AASDHPPT: variants seen among roughly 807,000 people sequenced by gnomAD.
AASDHPPT encodes L-aminoadipate-semialdehyde dehydrogenase-phosphopantetheinyl transferase.
A neutral mutation model predicts 36.4 loss-of-function variants in AASDHPPT; 23 were observed. The observed-to-expected ratio is 0.63, with a 90% CI of 0.45 to 0.89. The LOEUF (loss-of-function observed/expected upper bound fraction) is 0.89, where lower values mean the gene tolerates loss of function less well. Ranked by LOEUF, AASDHPPT falls within the 40% of genes least tolerant of loss-of-function variation. The probability of loss-of-function intolerance (pLI) is 0.00; values close to 1 mark genes in which losing one functional copy is unlikely to be tolerated. For missense variants in AASDHPPT, 377 were observed against 378.2 expected, an observed-to-expected ratio of 1.00 and a Z score of 0.03; for synonymous variants, 115 against 128.0, an observed-to-expected ratio of 0.90 and a Z score of 0.68.
chr11:106,092,607 C>T (rs1383064548), intron 4 of AASDHPPT: 1 of 151,920 alleles, frequency 6.6e-6, no homozygotes, highest in African/African-American at 2.4e-5. Flanking sequence ...AAATTGAAAC[C>T]ACAAGAAGTT....
At chr11:106,088,497 G>T (rs1252305897) in intron 2 of AASDHPPT, among the ~76,000 whole-genome samples, 1 of 152,066 alleles carries the variant, frequency 6.6e-6, no homozygotes, top group Non-Finnish European at 1.5e-5. Flanking sequence ...TACATATGCT[G>T]TTTGTGCCAA....
chr11:106,089,812 T>C (rs1209059483), intron 2 of AASDHPPT, among the ~76,000 whole-genome samples: 1 of 152,034 alleles, frequency 6.6e-6, no homozygotes, highest in African/African-American at 2.4e-5. Context: ...GTTGTATCTT[T>C]TGTCATTTAT....
intron 5 of AASDHPPT, 55 bp downstream of exon 5, chr11:106,094,709 G>C: frequency 1.5e-6 from 2 of 1,373,170 alleles, no homozygotes; most frequent in Non-Finnish European, 2.0e-6. Flanking sequence ...TGTTAAGTTT[G>C]CTCTTTATTG....
intron 4 of AASDHPPT, chr11:106,092,534 A>G (rs930240149): frequency 6.6e-6 from 1 of 152,078 alleles, no homozygotes; most frequent in Non-Finnish European, 1.5e-5. Flanking sequence ...CATGGATTTG[A>G]AGTTGAAACT....
intron 2 of AASDHPPT, among the ~76,000 whole-genome samples, chr11:106,081,494 T>G (rs942488085): frequency 6.6e-6 from 1 of 152,226 alleles, no homozygotes; most frequent in Non-Finnish European, 1.5e-5. Context: ...AAAAAATTGC[T>G]GCTATAGAGG....
chr11:106,085,926 CA>C (rs1218262530), intron 2 of AASDHPPT: 3 of 152,180 alleles, frequency 2.0e-5, no homozygotes, highest in African/African-American at 7.2e-5. Context: ...TTTTGATGCT[CA>C]AAAAGCTTTG....
chr11:106,093,837 T>C (rs2135045188), intron 4 of AASDHPPT: 1 of 152,288 alleles, frequency 6.6e-6, no homozygotes, highest in South Asian at 2.1e-4. Context: ...ATTGGTTATG[T>C]TTTACCTATA....
intron 2 of AASDHPPT, among the ~76,000 whole-genome samples, chr11:106,083,463 A>C (rs1360358396): frequency 6.6e-6 from 1 of 152,228 alleles, no homozygotes; most frequent in Non-Finnish European, 1.5e-5. Flanking sequence ...AGATACCAAA[A>C]TATGAAAAAT....
Position 106,077,784 on chromosome 11 carries a change from C to G in AASDHPPT, c.74C>G (p.Thr25Ser), listed in dbSNP as rs1036727592. The change falls in exon 1 of 6, where the codon ACT becomes AGT. Residue 25 changes from threonine (T) to serine (S), a missense_variant. Physicochemically the swap from Thr to Ser is moderately conservative, Grantham distance 58. Coordinates refer to ENST00000278618, the MANE Select transcript of AASDHPPT (RefSeq NM_015423.3). ...GTGCGCTGGGCCTTTTCCTGCGGCA[C>G]TTGGCTGCCGAGCCGAGCCGAATGG... ...EGVRWAFSCGTWLPSRAEWLL... is the reference protein window; with the variant it reads ...EGVRWAFSCGSWLPSRAEWLL... The G allele has an allele frequency of 3.2e-5, 52 of 1,614,032 alleles. No individual in the cohort carries two copies. Among genetic ancestry groups the G allele is most frequent in the South Asian group, 1.4e-4 (13 of 91,092 alleles).
intron 2 of AASDHPPT, among the ~76,000 whole-genome samples, chr11:106,080,332 C>T (rs993724080): frequency 1.9e-4 from 29 of 152,248 alleles, no homozygotes; most frequent in African/African-American, 5.5e-4. Flanking sequence ...TGGATACCAA[C>T]GGGCGACTCT....
intron 5 of AASDHPPT, among the ~76,000 whole-genome samples, chr11:106,095,133 G>A (rs1179999927): frequency 6.6e-6 from 1 of 152,002 alleles, no homozygotes; most frequent in African/African-American, 2.4e-5. Flanking sequence ...TCAAAAAAAA[G>A]AAATGTTACC....
At chr11:106,090,802 G>A in intron 3 of AASDHPPT, 124 bp downstream of exon 3, 1 of 1,323,684 alleles carries the variant, frequency 7.6e-7, no homozygotes. Flanking sequence ...GTGATTGCTT[G>A]AGAATTTTAT....
chr11:106,085,932 G>C (rs1861192730), intron 2 of AASDHPPT: 2 of 152,216 alleles, frequency 1.3e-5, no homozygotes, highest in South Asian at 4.1e-4. Flanking sequence ...TGCTCAAAAA[G>C]CTTTGAGTTT....
In AASDHPPT at chr11:106,097,537, T is replaced by C. The variant is rs1380849200; in HGVS notation, c.*630T>C. On this transcript the variant is annotated 3_prime_UTR_variant, in exon 6 of 6. Coordinates refer to ENST00000278618, the MANE Select transcript of AASDHPPT (RefSeq NM_015423.3). ...AGGGGTGTCATTAAAGACACACTTT[T>C]TTTGCCTTGACCTCAGTTGGTTTGT... 6.6e-6 allele frequency: 1 copy of C among 152,170 alleles called. No individual in the cohort carries two copies. Among genetic ancestry groups the C allele is most frequent in the Non-Finnish European group, 1.5e-5 (1 of 68,004 alleles). The allele number at this position is 152,170 out of a possible 1,614,324, so 9.4% of individuals were successfully genotyped here. A position where few individuals can be genotyped will look rare whatever the true frequency, so the allele number is the denominator to read the frequency against.
intron 2 of AASDHPPT, 44 bp downstream of exon 2, chr11:106,079,736 C>G (rs1011743021): frequency 2.6e-6 from 4 of 1,511,296 alleles, no homozygotes; most frequent in Non-Finnish European, 1.8e-6. Flanking sequence ...TGTCTCGATG[C>G]CTCAGTTCTA....
chr11:106,077,798 C>T lies in AASDHPPT; in HGVS notation c.88C>T (p.Arg30Ter). The change falls in exon 1 of 6, where the codon CGA becomes TGA. Residue 30 changes from arginine to a stop codon, truncating the protein, a stop_gained. Coordinates refer to ENST00000278618, the MANE Select transcript of AASDHPPT (RefSeq NM_015423.3). LOFTEE classifies it high-confidence loss of function. ...TTCCTGCGGCACTTGGCTGCCGAGC[C>T]GAGCCGAATGGCTGCTGGCAGTGCG... is the stretch of plus-strand genomic sequence containing the variant. ...AFSCGTWLPSRAEWLLAVRSI... is the reference protein window; with the variant it reads ...AFSCGTWLPS 6.2e-7 allele frequency: 1 copy of T among 1,614,162 alleles called. No individual in the cohort carries two copies. The highest frequency in any genetic ancestry group is 8.5e-7 in the Non-Finnish European group (1 of 1,180,018).
rs1022994275 is a variant in AASDHPPT at position 106,097,608 on chromosome 11, T to C, written c.*701T>C. On this transcript the variant is annotated 3_prime_UTR_variant, in exon 6 of 6. Transcript: ENST00000278618. ...CTCTCGATCACAAGAGCTGCTGCTA[T>C]AACTTCCAGTTTTACATCTTTGTAA... 6.6e-6 allele frequency: 1 copy of C among 152,180 alleles called. No individual in the cohort carries two copies. The highest frequency in any genetic ancestry group is 1.5e-5 in the Non-Finnish European group (1 of 68,014). The allele number at this position is 152,180 out of a possible 1,614,324, so 9.4% of individuals were successfully genotyped here. A position where few individuals can be genotyped will look rare whatever the true frequency, so the allele number is the denominator to read the frequency against.
chr11:106,077,764 C>T lies in AASDHPPT; in HGVS notation c.54C>T (p.Arg18=). The T allele has an allele frequency of 6.2e-7, 1 of 1,614,136 alleles. No individual in the cohort carries two copies. The highest frequency in any genetic ancestry group is 8.5e-7 in the Non-Finnish European group (1 of 1,179,990). The change falls in exon 1 of 6, where the codon CGC becomes CGT. Residue 18 remains arginine, a synonymous_variant. Coordinates refer to ENST00000278618, the MANE Select transcript of AASDHPPT (RefSeq NM_015423.3). ...FCLVPSMEGV[R]WAFSCGTWLP... ...TGGTGCCATCCATGGAGGGCGTGCGCTGGGCCTTTTCCTGCGGCACTTGGC... is the reference window on the plus strand; with the variant it reads ...TGGTGCCATCCATGGAGGGCGTGCGTTGGGCCTTTTCCTGCGGCACTTGGC...
intron 4 of AASDHPPT, chr11:106,091,997 T>G (rs1861261193): frequency 6.6e-6 from 1 of 152,200 alleles, no homozygotes; most frequent in Non-Finnish European, 1.5e-5. Context: ...ATGAAATATT[T>G]AGAGCTCTTT....
Sources: gnomAD v4.1 joint callset for allele counts (sites outside exome capture counted in the v4.1 genomes callset) on GRCh38, gnomAD v4.1.1 for gene constraint, MANE v1.5 for transcripts, NCBI Gene and HGNC (gene_info 2026-07-23, HGNC 2026-07-21) for gene names.